Variants in GATA4 observed in about 807,000 individuals in gnomAD.
The protein encoded by GATA4 is transcription factor GATA-4.
In GATA4, 7 loss-of-function variants were observed where a neutral mutation model predicts 37.9. The ratio of observed to expected loss-of-function variants is 0.18; its 90% CI spans 0.11 to 0.35. The LOEUF is 0.35. Ranked by LOEUF, GATA4 falls within the 10% of genes least tolerant of loss-of-function variation. The probability of loss-of-function intolerance (pLI) is 1.00; values close to 1 mark genes in which losing one functional copy is unlikely to be tolerated. For synonymous variants in GATA4, 372 were observed against 292.6 expected, an observed-to-expected ratio of 1.27 and a Z score of -2.77; for missense variants, 647 against 653.0, an observed-to-expected ratio of 0.99 and a Z score of 0.10.
At chr8:11,718,942 G>A (rs1563206582) in intron 2 of GATA4, among the ~76,000 whole-genome samples, 1 of 152,214 alleles carries the variant, frequency 6.6e-6, no homozygotes, top group Admixed American at 6.5e-5. Flanking sequence ...AGCAGGTGTG[G>A]GAGTTTGAAC....
At chr8:11,702,648 G>T (rs1338265656), upstream of GATA4, among the ~76,000 whole-genome samples, 1 of 151,062 alleles carries the variant, frequency 6.6e-6, no homozygotes, top group Non-Finnish European at 1.5e-5. This position sits in a 1 kb window ranked among gnomAD's most constrained non-coding sequence, Gnocchi z 4.4. Flanking sequence ...GGTCCGTGGC[G>T]CCAATTCTGC....
chr8:11,692,433 C>A, upstream of GATA4: 1 of 809,688 alleles, frequency 1.2e-6, no homozygotes, highest in Non-Finnish European at 1.5e-6. Flanking sequence ...TTATCTATCA[C>A]TATATAATTC....
intron 1 of GATA4, among the ~76,000 whole-genome samples, chr8:11,685,127 C>G (rs1184049837): frequency 1.3e-5 from 2 of 152,194 alleles, no homozygotes; most frequent in Non-Finnish European, 2.9e-5. Context: ...ATAACCTAAA[C>G]TCTAAACAAT....
In GATA4 at chr8:11,759,144, A is replaced by C; in HGVS notation, c.*669A>C. On this transcript the variant is annotated 3_prime_UTR_variant, in exon 7 of 7. Transcript: ENST00000532059. ...CGGCCTTTGCTCCTTCACTTCCAAC[A>C]TCTCTCAAAATAAAAATCCCTCTTC... 1 of 158,400 alleles carries C rather than the reference A, an allele frequency of 6.3e-6. No homozygotes were observed. The highest frequency in any genetic ancestry group is 1.4e-5 in the Non-Finnish European group (1 of 71,794). The allele number at this position is 158,400 out of a possible 1,614,324, so 9.8% of individuals were successfully genotyped here. A position where few individuals can be genotyped will look rare whatever the true frequency, so the allele number is the denominator to read the frequency against.
rs1172906495 is a variant in GATA4, at chr8:11,749,201, G to A, written c.786+116G>A. 2 of 971,296 alleles carry A rather than the reference G, an allele frequency of 2.1e-6. No homozygotes were observed. Among genetic ancestry groups the A allele is most frequent in the African/African-American group, 1.6e-5 (1 of 61,976 alleles). 60.2% of individuals were successfully genotyped at this position (971,296 alleles called of 1,614,324 possible). On this transcript the variant is annotated intron_variant, in intron 3 of 6. Transcript: ENST00000532059. This position sits in a 1 kb window ranked among gnomAD's most constrained non-coding sequence, Gnocchi z 4.6. Reference sequence around the variant, plus strand: ...GAGGGTGTGCATCGGGGATTACGTGGGTGAGAGCCCCATAATAATTCTCAC... The same window carrying A: ...GAGGGTGTGCATCGGGGATTACGTGAGTGAGAGCCCCATAATAATTCTCAC...
rs1391358000 is a variant in GATA4 at position 11,707,682 on chromosome 8, C to T, written c.-457-174C>T. On this transcript the variant is annotated intron_variant, in intron 1 of 6. Transcript: ENST00000532059. This position sits in a 1 kb window ranked among gnomAD's most constrained non-coding sequence, Gnocchi z 4.7. ...TTGCCTGGGCCGCCTGACCCAACGC[C>T]TGGACAAAACAAAGGCCCCTGCTTC... 1.3e-5 allele frequency among the ~76,000 whole-genome samples: 2 copies of T among 152,206 alleles called. No individual in the cohort carries two copies. Among genetic ancestry groups the T allele is most frequent in the Non-Finnish European group, 2.9e-5 (2 of 68,036 alleles).
At chr8:11,704,352 A>G (rs1485896414) in intron 1 of GATA4, 48 bp downstream of exon 1, 3 of 152,228 alleles carry the variant, frequency 2.0e-5, no homozygotes, top group African/African-American at 7.2e-5. Flanking sequence ...CGGTCCCCCA[A>G]ACTCGGAGCT....
chr8:11,734,982 T>A (rs1168797655), intron 2 of GATA4, among the ~76,000 whole-genome samples: 1 of 152,204 alleles, frequency 6.6e-6, no homozygotes, highest in African/African-American at 2.4e-5. Context: ...TTTATTAATA[T>A]AATGGAAAAC....
At chr8:11,740,693 T>G (rs1440709761) in intron 2 of GATA4, among the ~76,000 whole-genome samples, 1 of 151,932 alleles carries the variant, frequency 6.6e-6, no homozygotes, top group Non-Finnish European at 1.5e-5. Flanking sequence ...AATGTAGAGC[T>G]CACTGCAGTC....
chr8:11,704,722 C>G (rs750352730), intron 1 of GATA4, among the ~76,000 whole-genome samples: 10 of 152,254 alleles, frequency 6.6e-5, no homozygotes, highest in Non-Finnish European at 1.5e-4. Context: ...TAGACGGAGG[C>G]TTGTCGCCCA....
At chr8:11,746,988 G>A (rs1802064446) in intron 2 of GATA4, among the ~76,000 whole-genome samples, 1 of 152,126 alleles carries the variant, frequency 6.6e-6, no homozygotes, top group African/African-American at 2.4e-5. Context: ...CTCTTCTCTG[G>A]CCCACATTCC....
intron 2 of GATA4, among the ~76,000 whole-genome samples, chr8:11,714,466 A>C (rs772112713): frequency 2.1e-4 from 32 of 152,210 alleles, no homozygotes; most frequent in Non-Finnish European, 3.5e-4. Flanking sequence ...TCATTTGTGC[A>C]GGGAACTTTG....
At chr8:11,728,932 G>A (rs886662496) in intron 2 of GATA4, among the ~76,000 whole-genome samples, 1 of 152,198 alleles carries the variant, frequency 6.6e-6, no homozygotes, top group Non-Finnish European at 1.5e-5. Flanking sequence ...CTTTAGAATA[G>A]TTTAAAGACC....
rs1181359320 is a variant in GATA4, at chr8:11,758,997, G to A, written c.*522G>A. 2 of 204,860 alleles carry A rather than the reference G, an allele frequency of 9.8e-6. No homozygotes were observed. Among genetic ancestry groups the A allele is most frequent in the Admixed American group, 5.3e-5 (1 of 19,004 alleles). 12.7% of individuals were successfully genotyped at this position (204,860 alleles called of 1,614,324 possible). On this transcript the variant is annotated 3_prime_UTR_variant, in exon 7 of 7. Transcript: ENST00000532059. The stretch of plus-strand genomic sequence containing the variant: ...TACCAAATCTGACTCCAAAATTGTG[G>A]GGTGTGACATACAAGTGACTGAACA...
At chr8:11,716,409 C>G (rs1447500608) in intron 2 of GATA4, among the ~76,000 whole-genome samples, 2 of 151,884 alleles carry the variant, frequency 1.3e-5, no homozygotes, top group African/African-American at 4.8e-5. Context: ...TGTCTTTTAC[C>G]TATTCTTTTA....
Position 11,718,785 on chromosome 8 carries a change from C to T in GATA4, c.616+9857C>T, listed in dbSNP as rs141536500. ...TTCTAGAAATCCAGTCAAACCTTATCGCCTCCATTTAGAACTGATCGATAG... is the reference window on the plus strand; with the variant it reads ...TTCTAGAAATCCAGTCAAACCTTATTGCCTCCATTTAGAACTGATCGATAG... On this transcript the variant is annotated intron_variant, in intron 2 of 6. Coordinates refer to ENST00000532059, the MANE Select transcript of GATA4 (RefSeq NM_001308093.3). Among the ~76,000 whole-genome samples, 173 of 152,358 alleles carry T rather than the reference C, an allele frequency of 1.1e-3. 1 individual carries two copies. Among genetic ancestry groups the T allele is most frequent in the African/African-American group, 3.9e-3 (161 of 41,578 alleles).
intron 2 of GATA4, among the ~76,000 whole-genome samples, chr8:11,725,778 G>A (rs1280471550): frequency 6.6e-6 from 1 of 152,218 alleles, no homozygotes; most frequent in African/African-American, 2.4e-5. Flanking sequence ...CAATCCATCT[G>A]GTACTGATGG....
chr8:11,695,694 G>A (rs1440622293), intron 1 of GATA4, among the ~76,000 whole-genome samples: 1 of 152,146 alleles, frequency 6.6e-6, no homozygotes, highest in Non-Finnish European at 1.5e-5. Flanking sequence ...AAGGGACTTA[G>A]CAATCCCTGA....
intron 2 of GATA4, among the ~76,000 whole-genome samples, chr8:11,746,562 C>G (rs1802042169): frequency 6.6e-6 from 1 of 152,248 alleles, no homozygotes; most frequent in Non-Finnish European, 1.5e-5. Flanking sequence ...GTTGCCCGCG[C>G]CCGCCTCTTG....
Sources: allele counts gnomAD v4.1 joint callset (sites outside exome capture counted in the v4.1 genomes callset), GRCh38; gene constraint gnomAD v4.1.1; non-coding constraint Gnocchi (gnomAD v3.1); transcripts MANE v1.5; gene names NCBI Gene and HGNC (gene_info 2026-07-23, HGNC 2026-07-21).